Variants in SEMA5B observed in about 807,000 individuals in gnomAD.
SEMA5B encodes semaphorin-5B.
A neutral mutation model predicts 135.0 loss-of-function variants in SEMA5B; 66 were observed. The ratio of observed to expected loss-of-function variants is 0.49; its 90% CI spans 0.40 to 0.60. SEMA5B has a LOEUF of 0.60. Among genes scored for constraint, SEMA5B ranks in the 20% least tolerant of loss-of-function variants. The probability of loss-of-function intolerance (pLI) is 0.00; values close to 1 mark genes in which losing one functional copy is unlikely to be tolerated. For missense variants in SEMA5B, 1,501 were observed against 1,566.3 expected, an observed-to-expected ratio of 0.96 and a Z score of 0.70; for synonymous variants, 690 against 639.5, an observed-to-expected ratio of 1.08 and a Z score of -1.19.
At chr3:122,947,896 G>GT (rs1257380503) in intron 3 of SEMA5B, among the ~76,000 whole-genome samples, 4 of 148,788 alleles carry the variant, frequency 2.7e-5, no homozygotes, top group Middle Eastern at 3.5e-3. Context: ...TTTGTGTTTT[G>GT]TTTTGTTTTT....
intron 2 of SEMA5B, among the ~76,000 whole-genome samples, chr3:122,959,703 C>A (rs1390793945): frequency 6.6e-6 from 1 of 152,206 alleles, no homozygotes; most frequent in Non-Finnish European, 1.5e-5. Flanking sequence ...AGAGAGCATG[C>A]AGCCATCGGG....
intron 2 of SEMA5B, among the ~76,000 whole-genome samples, chr3:122,957,152 G>T (rs1940359751): frequency 6.6e-6 from 1 of 152,242 alleles, no homozygotes; most frequent in South Asian, 2.1e-4. Context: ...CTGCTGAAGA[G>T]GAGGATTTGT....
rs776516948 is a variant in SEMA5B at position 122,910,315 on chromosome 3, A to C, written c.3298-14T>G. ...CTTGTTCAGGGTCTGTGGGTGGAAG[A>C]AGGAACCAGAGAAAGGGGTGAGGGA... On this transcript the variant is annotated splice_polypyrimidine_tract_variant and intron_variant, in intron 22 of 22. Transcript: ENST00000357599. 55 of 1,613,572 alleles carry C rather than the reference A, an allele frequency of 3.4e-5. No individual in the cohort carries two copies. The highest frequency in any genetic ancestry group is 4.5e-5 in the Non-Finnish European group (53 of 1,179,672).
At chr3:122,937,725 A>G (rs1202858298) in intron 5 of SEMA5B, among the ~76,000 whole-genome samples, 2 of 151,834 alleles carry the variant, frequency 1.3e-5, no homozygotes, top group Admixed American at 1.3e-4. Flanking sequence ...GATGAACCAA[A>G]CCCCAGAACT....
At chr3:123,008,468 C>G (rs1158283547) in intron 1 of SEMA5B, among the ~76,000 whole-genome samples, 1 of 152,020 alleles carries the variant, frequency 6.6e-6, no homozygotes, top group South Asian at 2.1e-4. Context: ...GGAGAAGGGG[C>G]CTCGTGCATC....
chr3:122,939,532 A>G lies in SEMA5B; in HGVS notation c.429-62T>C, dbSNP rs1168573112. The stretch of plus-strand genomic sequence containing the variant: ...GTTCTGCAGGCAGGACCCAGGGAGC[A>G]GCCTCCTGGCTTGGGCCTCCTGGGA... On this transcript the variant is annotated intron_variant, in intron 4 of 22. Transcript: ENST00000357599. 2.9e-6 allele frequency: 4 copies of G among 1,388,594 alleles called. No homozygotes were observed. In the African/African-American group the frequency reaches 5.7e-5, roughly 20 times the overall value. 86.0% of individuals were successfully genotyped at this position (1,388,594 alleles called of 1,614,324 possible).
intron 8 of SEMA5B, among the ~76,000 whole-genome samples, chr3:122,926,987 A>G (rs141903950): frequency 1.3e-5 from 2 of 152,384 alleles, no homozygotes; most frequent in Non-Finnish European, 2.9e-5. Context: ...TATTACAGAT[A>G]CAACATTGTG....
At chr3:122,938,178 T>A (rs1939385786) in intron 5 of SEMA5B, among the ~76,000 whole-genome samples, 1 of 152,222 alleles carries the variant, frequency 6.6e-6, no homozygotes, top group Non-Finnish European at 1.5e-5. Context: ...TGATTCACTT[T>A]AGAACTCAAA....
At chr3:122,969,773 C>T (rs922390241) in intron 1 of SEMA5B, among the ~76,000 whole-genome samples, 6 of 152,114 alleles carry the variant, frequency 3.9e-5, no homozygotes, top group Admixed American at 2.0e-4. Context: ...GTGCCAACAG[C>T]GGGGGTGGCA....
chr3:123,013,837 G>A (rs1942491364), intron 1 of SEMA5B, among the ~76,000 whole-genome samples: 1 of 152,266 alleles, frequency 6.6e-6, no homozygotes, highest in Admixed American at 6.5e-5. Flanking sequence ...GAGGGGAGCT[G>A]GAGGGTAAAG....
At chr3:122,942,068 G>A (rs1390676833) in intron 4 of SEMA5B, among the ~76,000 whole-genome samples, 4 of 152,126 alleles carry the variant, frequency 2.6e-5, no homozygotes, top group Non-Finnish European at 5.9e-5. Context: ...GGGTGGCCCT[G>A]CTTTTCACCA....
chr3:123,021,168 G>A (rs780887772), intron 1 of SEMA5B, among the ~76,000 whole-genome samples: 5 of 152,338 alleles, frequency 3.3e-5, no homozygotes, highest in Admixed American at 2.0e-4. Flanking sequence ...AAGAAAGCCC[G>A]GATCCCGGGA....
At chr3:122,943,967 C>T (rs1939676384) in intron 3 of SEMA5B, among the ~76,000 whole-genome samples, 1 of 152,224 alleles carries the variant, frequency 6.6e-6, no homozygotes, top group African/African-American at 2.4e-5. Context: ...TCCTAACCAG[C>T]CTGGCTTCCA....
intron 1 of SEMA5B, among the ~76,000 whole-genome samples, chr3:122,962,852 T>C (rs1226260730): frequency 6.6e-6 from 1 of 151,656 alleles, no homozygotes; most frequent in Non-Finnish European, 1.5e-5. Context: ...ATGAAAATTA[T>C]CCTATTTAAT....
At chr3:122,978,821 G>A (rs1467189397) in intron 1 of SEMA5B, among the ~76,000 whole-genome samples, 1 of 152,254 alleles carries the variant, frequency 6.6e-6, no homozygotes, top group East Asian at 1.9e-4. Context: ...AAAACAAGAG[G>A]AGAGGAGGCT....
At chr3:123,001,810 C>T (rs1942182177) in intron 1 of SEMA5B, among the ~76,000 whole-genome samples, 1 of 152,136 alleles carries the variant, frequency 6.6e-6, no homozygotes, top group Non-Finnish European at 1.5e-5. Flanking sequence ...TGATGACATT[C>T]CTCAGGCACT....
chr3:122,913,485 G>A (rs746795244), intron 16 of SEMA5B, 49 bp downstream of exon 16: 59 of 1,575,940 alleles, frequency 3.7e-5, no homozygotes, highest in Non-Finnish European at 4.9e-5. Context: ...CCCTCCCCTC[G>A]GCTCCAGTAC....
At chr3:123,026,369 T>C (rs1942798795) in intron 1 of SEMA5B, among the ~76,000 whole-genome samples, 1 of 146,004 alleles carries the variant, frequency 6.8e-6, no homozygotes, top group South Asian at 2.2e-4. Context: ...AGCGCTCCTC[T>C]CTCCCCATCC....
At chr3:122,923,848 G>A in intron 9 of SEMA5B, 96 bp from the exon 10 acceptor site, 1 of 1,386,642 alleles carries the variant, frequency 7.2e-7, no homozygotes, top group Admixed American at 1.7e-5. Flanking sequence ...AATTCCCAAG[G>A]CTCTGTAAGC....
Sources: gnomAD v4.1 joint callset for allele counts (sites outside exome capture counted in the v4.1 genomes callset) on GRCh38, gnomAD v4.1.1 for gene constraint, MANE v1.5 for transcripts, NCBI Gene and HGNC (gene_info 2026-07-23, HGNC 2026-07-21) for gene names.